NLGN4X: variants seen among roughly 807,000 people sequenced by gnomAD.
NLGN4X encodes neuroligin-4, X-linked.
A neutral mutation model predicts 40.3 loss-of-function variants in NLGN4X; 3 were observed. The observed-to-expected ratio is 0.07, with a 90% CI of 0.03 to 0.19. The LOEUF is 0.19. Ranked by LOEUF, NLGN4X falls within the 10% of genes least tolerant of loss-of-function variation. The probability of loss-of-function intolerance (pLI) is 1.00; values close to 1 mark genes in which losing one functional copy is unlikely to be tolerated. For missense variants in NLGN4X, 382 were observed against 708.3 expected, an observed-to-expected ratio of 0.54 and a Z score of 5.23; for synonymous variants, 270 against 306.8, an observed-to-expected ratio of 0.88 and a Z score of 1.25.
intron 2 of NLGN4X, chrX:6,061,640 TC>T: frequency 9.0e-6 from 1 of 111,598 alleles, no homozygotes; most frequent in Non-Finnish European, 1.9e-5. Flanking sequence ...CATTCTTTTT[TC>T]CCCTCTGTCT....
intron 2 of NLGN4X, among the ~76,000 whole-genome samples, chrX:6,050,679 C>A (rs1326760889): frequency 9.0e-6 from 1 of 111,274 alleles, no homozygotes; most frequent in East Asian, 2.8e-4. Flanking sequence ...CTATTCATAT[C>A]TATCTATTTA....
At chrX:5,917,266 G>C (rs184308173) in intron 3 of NLGN4X, among the ~76,000 whole-genome samples, 16 of 112,471 alleles carry the variant, frequency 1.4e-4, no homozygotes, top group African/African-American at 5.2e-4. Flanking sequence ...CTGAAGGTCA[G>C]TCTCTGCATC....
At chrX:6,004,008 G>A (rs2036041529) in intron 3 of NLGN4X, among the ~76,000 whole-genome samples, 1 of 112,606 alleles carries the variant, frequency 8.9e-6, no homozygotes, top group African/African-American at 3.2e-5. Flanking sequence ...CACCCCCGCT[G>A]GCCTGGAAGC....
intron 3 of NLGN4X, among the ~76,000 whole-genome samples, chrX:5,924,612 T>A (rs770670476): frequency 1.8e-5 from 2 of 111,822 alleles, no homozygotes; most frequent in Non-Finnish European, 3.8e-5. Flanking sequence ...CCAATGCCCA[T>A]CAATCAACGA....
intron 1 of NLGN4X, among the ~76,000 whole-genome samples, chrX:6,171,716 A>T (rs2040609665): frequency 1.8e-5 from 2 of 112,383 alleles, no homozygotes; most frequent in Non-Finnish European, 1.9e-5. Flanking sequence ...GACATGAAGC[A>T]TTCTATGACA....
chrX:6,036,511 T>G (rs2037009223), intron 2 of NLGN4X, among the ~76,000 whole-genome samples: 1 of 110,830 alleles, frequency 9.0e-6, no homozygotes, highest in Non-Finnish European at 1.9e-5. Flanking sequence ...GTATCTAGTT[T>G]AGACACAACC....
chrX:5,985,858 A>T (rs2035517739), intron 3 of NLGN4X, among the ~76,000 whole-genome samples: 1 of 111,711 alleles, frequency 9.0e-6, no homozygotes, highest in Non-Finnish European at 1.9e-5. Flanking sequence ...ACGTCAAACT[A>T]AACAGACATT....
rs144993742 is a variant in NLGN4X, at chrX:5,952,985, C to T, written c.626-43746G>A. On this transcript the variant is annotated intron_variant, in intron 3 of 5. Coordinates refer to ENST00000381095, the MANE Select transcript of NLGN4X (RefSeq NM_181332.3). ...TGTATTCATATAGGTAACACAAGGT[C>T]CCTGGTCAGGCTGGTGATATTTAGA... Among the ~76,000 whole-genome samples the T allele has an allele frequency of 5.0e-3, 563 of 111,540 alleles. 4 individuals are homozygous for T. Among genetic ancestry groups the T allele is most frequent in the Non-Finnish European group, 6.9e-3 (365 of 53,116 alleles).
At chrX:6,121,850 T>C (rs1307618224) in intron 2 of NLGN4X, among the ~76,000 whole-genome samples, 1 of 112,736 alleles carries the variant, frequency 8.9e-6, no homozygotes, top group African/African-American at 3.2e-5. Context: ...CACCTAGGTA[T>C]TGCTCTTCGC....
chrX:6,022,525 A>G (rs1339175457), intron 3 of NLGN4X, among the ~76,000 whole-genome samples: 4 of 112,144 alleles, frequency 3.6e-5, no homozygotes, highest in African/African-American at 1.3e-4. Flanking sequence ...AGATAGCTTG[A>G]CATTTTTCAG....
chrX:6,114,371 C>T (rs376936745), intron 2 of NLGN4X, among the ~76,000 whole-genome samples: 11 of 111,135 alleles, frequency 9.9e-5, no homozygotes, highest in Admixed American at 5.8e-4. Flanking sequence ...AGATAAAAGT[C>T]ATACTTCTTG....
chrX:5,897,267 C>G (rs1376015184), intron 5 of NLGN4X, among the ~76,000 whole-genome samples: 1 of 111,691 alleles, frequency 9.0e-6, no homozygotes, highest in African/African-American at 3.3e-5. Flanking sequence ...TTCCCCACTC[C>G]TTTTTGTCCA....
intron 2 of NLGN4X, among the ~76,000 whole-genome samples, chrX:6,060,198 C>G (rs1017311611): frequency 8.9e-6 from 1 of 112,064 alleles, no homozygotes; most frequent in African/African-American, 3.2e-5. Context: ...GGCCTGAGAT[C>G]ATAGACATAC....
At chrX:5,983,864 T>C (rs2035457174) in intron 3 of NLGN4X, among the ~76,000 whole-genome samples, 1 of 111,935 alleles carries the variant, frequency 8.9e-6, no homozygotes, top group African/African-American at 3.2e-5. Flanking sequence ...GAGAATCACA[T>C]GAGCCCAAGA....
At chrX:5,919,464 T>C (rs926117854) in intron 3 of NLGN4X, among the ~76,000 whole-genome samples, 2 of 111,723 alleles carry the variant, frequency 1.8e-5, no homozygotes, top group African/African-American at 6.5e-5. Flanking sequence ...TGTTATTCTG[T>C]CCTCTACAGC....
chrX:6,083,244 C>T (rs931629232), intron 2 of NLGN4X, among the ~76,000 whole-genome samples: 2 of 109,756 alleles, frequency 1.8e-5, no homozygotes, highest in Non-Finnish European at 3.8e-5. Flanking sequence ...AGGCGTGAGC[C>T]ACCGCGCCCG....
intron 2 of NLGN4X, among the ~76,000 whole-genome samples, chrX:6,116,578 G>T (rs1445239996): frequency 1.4e-5 from 1 of 72,766 alleles, no homozygotes; most frequent in Non-Finnish European, 2.7e-5. Flanking sequence ...CTCAGCCCCC[G>T]CCTCCCAGGT....
chrX:6,094,017 C>G (rs967887829), intron 2 of NLGN4X, among the ~76,000 whole-genome samples: 1 of 111,342 alleles, frequency 9.0e-6, no homozygotes, highest in Non-Finnish European at 1.9e-5. Context: ...AACAGTTAAC[C>G]GATGATTTGA....
At chrX:6,068,493 T>C (rs1331035877) in intron 2 of NLGN4X, among the ~76,000 whole-genome samples, 2 of 111,483 alleles carry the variant, frequency 1.8e-5, no homozygotes, top group African/African-American at 6.5e-5. Flanking sequence ...CAGGAAGGCA[T>C]GGGAGGAGGA....
Sources: gnomAD v4.1 joint callset for allele counts (sites outside exome capture counted in the v4.1 genomes callset) on GRCh38, gnomAD v4.1.1 for gene constraint, MANE v1.5 for transcripts, NCBI Gene and HGNC (gene_info 2026-07-23, HGNC 2026-07-21) for gene names.